Variants in LRRC3B observed in about 807,000 individuals in gnomAD.
LRRC3B encodes the protein leucine-rich repeat-containing protein 3B.
In LRRC3B, 2 loss-of-function variants were observed where a neutral mutation model predicts 12.8. The observed-to-expected ratio is 0.16, with a 90% CI of 0.06 to 0.49. The LOEUF is 0.49. Among genes scored for constraint, LRRC3B ranks in the 20% least tolerant of loss-of-function variants. The probability of loss-of-function intolerance (pLI) is 0.96; values close to 1 mark genes in which losing one functional copy is unlikely to be tolerated. For missense variants in LRRC3B, 189 were observed against 319.4 expected (o/e 0.59, Z 3.11); for synonymous variants, 132 against 122.0 (o/e 1.08, Z -0.54).
At chr3:26,675,101 A>G (rs1428115130) in intron 1 of LRRC3B, among the ~76,000 whole-genome samples, 1 of 152,180 alleles carries the variant, frequency 6.6e-6, no homozygotes, top group East Asian at 1.9e-4. Flanking sequence ...GTACTTTAGT[A>G]GTATGTCTTC....
intron 1 of LRRC3B, among the ~76,000 whole-genome samples, chr3:26,641,699 T>A (rs975117123): frequency 6.6e-6 from 1 of 152,106 alleles, no homozygotes; most frequent in African/African-American, 2.4e-5. Flanking sequence ...AGGAGTTTTA[T>A]CCTCTGTATA....
At chr3:26,671,373 T>TATATATATATATAGAGAGAG (rs1261897533) in intron 1 of LRRC3B, among the ~76,000 whole-genome samples, 1 of 28,246 alleles carries the variant, frequency 3.5e-5, no homozygotes, top group Non-Finnish European at 6.0e-5. Flanking sequence ...TATATATATA[T>TATATATATATATAGAGAGAG]AGAGAGAGAG....
intron 1 of LRRC3B, among the ~76,000 whole-genome samples, chr3:26,676,233 C>T (rs1197501072): frequency 8.5e-6 from 1 of 117,338 alleles, no homozygotes; most frequent in Non-Finnish European, 1.7e-5. Context: ...TCCCTTCCCC[C>T]TCCCCCCACC....
At chr3:26,668,269 C>A (rs972774764) in intron 1 of LRRC3B, among the ~76,000 whole-genome samples, 1 of 151,962 alleles carries the variant, frequency 6.6e-6, no homozygotes, top group Admixed American at 6.6e-5. Flanking sequence ...AGCAAGAAAG[C>A]TATGAGGGGC....
In LRRC3B at chr3:26,661,357, T is replaced by C. The variant is rs556753875; in HGVS notation, c.-161+38120T>C. Among the ~76,000 whole-genome samples, 3 of 152,338 alleles carry C rather than the reference T, an allele frequency of 2.0e-5. 1 individual carries two copies. In the South Asian group the frequency reaches 6.2e-4, roughly 32 times the overall value. On this transcript the variant is annotated intron_variant, in intron 1 of 1. Transcript: ENST00000396641. ...TCCATCTTGTTCCTCCATGCTTAAA[T>C]TGGGAGAATGCTAATAAATCAGAGG...
At chr3:26,636,928 T>TTC (rs1255903430) in intron 1 of LRRC3B, among the ~76,000 whole-genome samples, 1 of 81,426 alleles carries the variant, frequency 1.2e-5, no homozygotes, top group Non-Finnish European at 2.1e-5. Context: ...CTTTCTTTCT[T>TTC]TCTTTCTTTC....
chr3:26,656,614 T>C (rs1349648448), intron 1 of LRRC3B, among the ~76,000 whole-genome samples: 1 of 152,226 alleles, frequency 6.6e-6, no homozygotes, highest in Non-Finnish European at 1.5e-5. Flanking sequence ...GGCAGTGGAA[T>C]GTTGTCAAGC....
chr3:26,654,211 G>T (rs1475343387), intron 1 of LRRC3B, among the ~76,000 whole-genome samples: 1 of 152,220 alleles, frequency 6.6e-6, no homozygotes, highest in Non-Finnish European at 1.5e-5. Flanking sequence ...CTTGAATGCT[G>T]TTCAAGTATT....
chr3:26,668,133 C>T (rs1310581462), intron 1 of LRRC3B, among the ~76,000 whole-genome samples: 1 of 152,024 alleles, frequency 6.6e-6, no homozygotes, highest in East Asian at 1.9e-4. Context: ...GTAATCTACA[C>T]GGGGAATACA....
chr3:26,695,647 A>G (rs1291211005), intron 1 of LRRC3B, among the ~76,000 whole-genome samples: 1 of 152,238 alleles, frequency 6.6e-6, no homozygotes, highest in Non-Finnish European at 1.5e-5. Flanking sequence ...AAAACACATA[A>G]AGGGCATTAT....
intron 1 of LRRC3B, among the ~76,000 whole-genome samples, chr3:26,686,926 C>T (rs975811847): frequency 6.6e-6 from 1 of 152,162 alleles, no homozygotes; most frequent in East Asian, 1.9e-4. Context: ...ACTGGTCAGT[C>T]ATTGGATGTG....
intron 1 of LRRC3B, among the ~76,000 whole-genome samples, chr3:26,663,036 C>A (rs1365443341): frequency 6.6e-6 from 1 of 152,180 alleles, no homozygotes; most frequent in Non-Finnish European, 1.5e-5. Flanking sequence ...AGATCTGCCA[C>A]TCTTTCATGT....
chr3:26,680,590 A>G lies in LRRC3B; in HGVS notation c.-160-28923A>G, dbSNP rs181863230. Among the ~76,000 whole-genome samples the G allele has an allele frequency of 3.3e-5, 5 of 152,348 alleles. No homozygotes were observed. The East Asian group carries it at 9.6e-4, about 29-fold the overall frequency. On this transcript the variant is annotated intron_variant, in intron 1 of 1. Transcript: ENST00000396641. ...TTCCCCAACGCCTCTCCGTCATTCC[A>G]TGTCACAGCGTGCAATTCCTACTCT...
At chr3:26,695,611 T>A (rs1258443835) in intron 1 of LRRC3B, among the ~76,000 whole-genome samples, 1 of 152,246 alleles carries the variant, frequency 6.6e-6, no homozygotes, top group South Asian at 2.1e-4. Context: ...TATATACATG[T>A]GTTTGCACAG....
At chr3:26,666,004 C>G (rs1241598989) in intron 1 of LRRC3B, among the ~76,000 whole-genome samples, 1 of 152,084 alleles carries the variant, frequency 6.6e-6, no homozygotes, top group African/African-American at 2.4e-5. Flanking sequence ...TGACTATATC[C>G]CATCTTCATT....
exon 2 of LRRC3B, chr3:26,710,213 G>T: frequency 6.2e-7 from 1 of 1,613,676 alleles, no homozygotes; most frequent in East Asian, 2.2e-5. Flanking sequence ...GGATGAACAT[G>T]CTGGCAGACC....
chr3:26,688,589 A>G (rs1700132004), intron 1 of LRRC3B, among the ~76,000 whole-genome samples: 1 of 152,200 alleles, frequency 6.6e-6, no homozygotes, highest in Non-Finnish European at 1.5e-5. Context: ...CATATCTTAC[A>G]TGGCCAGAGC....
intron 1 of LRRC3B, among the ~76,000 whole-genome samples, chr3:26,669,912 G>A (rs1049981198): frequency 6.6e-6 from 1 of 152,180 alleles, no homozygotes; most frequent in Non-Finnish European, 1.5e-5. Flanking sequence ...TCCCAGGTGA[G>A]AGTCCTCCTT....
rs1230399049 is a variant in LRRC3B, at chr3:26,636,836, CCCTG to C, written c.-161+13603_-161+13606del. The stretch of plus-strand genomic sequence containing the variant: ...TCCCTCCCTCCCTCCCTCCCTCCCT[CCCTG>C]CCTCCCTCCCTCCCTCCCTCCCTCC... On this transcript the variant is annotated intron_variant, in intron 1 of 1. Coordinates refer to ENST00000396641, the Ensembl canonical transcript of LRRC3B. Among the ~76,000 whole-genome samples, 44 of 72,272 alleles carry C rather than the reference CCCTG, an allele frequency of 6.1e-4. 2 individuals carry two copies. The highest frequency in any genetic ancestry group is 3.0e-3 in the African/African-American group (37 of 12,158). 47.4% of individuals were successfully genotyped at this position (72,272 alleles called of 152,430 possible).
Sources: gnomAD v4.1 joint callset for allele counts (sites outside exome capture counted in the v4.1 genomes callset) on GRCh38, gnomAD v4.1.1 for gene constraint, MANE v1.5 for transcripts, NCBI Gene and HGNC (gene_info 2026-07-23, HGNC 2026-07-21) for gene names.